Variants in P3H3 observed in about 807,000 individuals in gnomAD.
The protein encoded by P3H3 is gene rich cluster, B.
In P3H3, 64 loss-of-function variants were observed where a neutral mutation model predicts 78.1. That is an observed-to-expected ratio of 0.82 (90% CI 0.67 to 1.01). P3H3 has a LOEUF of 1.01. P3H3 is among the 50% of genes least tolerant of loss of function. The probability of loss-of-function intolerance (pLI) is 0.00; values close to 1 mark genes in which losing one functional copy is unlikely to be tolerated. For missense variants in P3H3, 975 were observed against 982.2 expected, an observed-to-expected ratio of 0.99 and a Z score of 0.10; for synonymous variants, 425 against 416.7, an observed-to-expected ratio of 1.02 and a Z score of -0.24.
chr12:6,837,434 TG>T lies in P3H3; in HGVS notation c.1575del (p.Thr526GlnfsTer13). On this transcript the variant is annotated frameshift_variant, in exon 11 of 15. Coordinates refer to ENST00000290510, the MANE Select transcript of P3H3 (RefSeq NM_014262.5). LOFTEE classifies it high-confidence loss of function. The stretch of plus-strand genomic sequence containing the variant: ...TTCACTGCCTGCAGCTGGCCCGGGC[TG>T]GGACAGTGGGCAGTCAGGGTGCTAA... ...VLKAAQLARAGTVGSQGAKLL... is the reference protein window; with the variant it reads ...VLKAAQLARAXTVGSQGAKLL... 3 of 1,610,994 alleles carry T rather than the reference TG, an allele frequency of 1.9e-6. No individual in the cohort carries two copies. Among genetic ancestry groups the T allele is most frequent in the Middle Eastern group, 3.3e-4 (2 of 6,052 alleles).
Position 6,839,140 on chromosome 12 carries a change from G to A in P3H3, c.2046G>A (p.Gln682=), listed in dbSNP as rs187884084. ...CGTGGGCACCTGAGCACAGGGAGCA[G>A]GTAAGGAGCGGGGTAGGAAGGGATG... The part of the protein sequence containing the change: ...WHTWAPEHRE[Q]EWIEAKELLQ... The change falls in exon 14 of 15, where the codon CAG becomes CAA. Residue 682 remains glutamine (Q), a splice_region_variant and synonymous_variant. Coordinates refer to ENST00000290510, the MANE Select transcript of P3H3 (RefSeq NM_014262.5). 161 of 1,598,154 alleles carry A rather than the reference G, an allele frequency of 1.0e-4. No individual in the cohort carries two copies. Among genetic ancestry groups the A allele is most frequent in the Non-Finnish European group, 1.3e-4 (157 of 1,174,682 alleles).
At position 6,830,830 on chromosome 12, in the gene P3H3, T is replaced by C. The variant is rs1555121297; in HGVS notation, c.985+60T>C. The C allele has an allele frequency of 8.7e-6, 14 of 1,600,714 alleles. No individual in the cohort carries two copies. In the East Asian group the frequency reaches 3.1e-4, roughly 36 times the overall value. On this transcript the variant is annotated intron_variant, in intron 4 of 14. Transcript: ENST00000290510. ...ATTTGCCTCTGCTGCTATCCTGAGC[T>C]CCATCTCTCTATCCCTCCCATCTGT...
intron 9 of P3H3, among the ~76,000 whole-genome samples, chr12:6,835,218 T>A (rs868923544): frequency 5.3e-5 from 8 of 152,284 alleles, no homozygotes; most frequent in Admixed American, 1.3e-4. Context: ...ATGAGGATAA[T>A]AATAGTGTTT....
rs913553625 is a variant in P3H3 at position 6,831,712 on chromosome 12, C to T, written c.1123-113C>T. The T allele has an allele frequency of 3.5e-5, 26 of 739,274 alleles. No individual in the cohort carries two copies. Among genetic ancestry groups the T allele is most frequent in the Middle Eastern group, 6.5e-4 (2 of 3,076 alleles). 45.8% of individuals were successfully genotyped at this position (739,274 alleles called of 1,614,324 possible). Reference sequence around the variant, plus strand: ...GAGGGGGAACGTTGAACAGAGGAACCGGGGGGCATGGTGCCAGGTTCAAGG... The same window carrying T: ...GAGGGGGAACGTTGAACAGAGGAACTGGGGGGCATGGTGCCAGGTTCAAGG... On this transcript the variant is annotated intron_variant, in intron 5 of 14. Transcript: ENST00000290510. This position sits in a 1 kb window ranked among gnomAD's most constrained non-coding sequence, Gnocchi z 4.6.
chr12:6,829,502 T>G lies in P3H3; in HGVS notation c.499-357T>G. ...TTGTACTCACCTCAGCTCAGGGTCCTAGAGACCTGCGGGTTTTGCTGGTCG... is the reference window on the plus strand; with the variant it reads ...TTGTACTCACCTCAGCTCAGGGTCCGAGAGACCTGCGGGTTTTGCTGGTCG... On this transcript the variant is annotated intron_variant, in intron 1 of 14. Coordinates refer to ENST00000290510, the MANE Select transcript of P3H3 (RefSeq NM_014262.5). The surrounding 1 kb of genome is among the most constrained non-coding windows in gnomAD (Gnocchi z 5.1). 1 of 331,364 alleles carries G rather than the reference T, an allele frequency of 3.0e-6. No homozygotes were observed. The highest frequency in any genetic ancestry group is 2.8e-5 in the South Asian group (1 of 35,604). 20.5% of individuals were successfully genotyped at this position (331,364 alleles called of 1,614,324 possible).
chr12:6,828,948 G>A lies in P3H3; in HGVS notation c.498+10G>A, dbSNP rs1555120910. 9.0e-6 allele frequency: 11 copies of A among 1,224,560 alleles called. No individual in the cohort carries two copies. The highest frequency in any genetic ancestry group is 1.0e-5 in the Non-Finnish European group (10 of 977,978). The allele number at this position is 1,224,560 out of a possible 1,614,324, so 75.9% of individuals were successfully genotyped here. A position where few individuals can be genotyped will look rare whatever the true frequency, so the allele number is the denominator to read the frequency against. On this transcript the variant is annotated intron_variant, in intron 1 of 14. Transcript: ENST00000290510. Reference sequence around the variant, plus strand: ...GAGGGCCTATTACCAGGTGGGGAGCGGGCCGGGCAGCTCCGAGGGTCCCAG... The same window carrying A: ...GAGGGCCTATTACCAGGTGGGGAGCAGGCCGGGCAGCTCCGAGGGTCCCAG...
At position 6,834,043 on chromosome 12, in the gene P3H3, G is replaced by A. The variant is rs782022212; in HGVS notation, c.1452G>A (p.Leu484=). 3 of 1,613,444 alleles carry A rather than the reference G, an allele frequency of 1.9e-6. No individual in the cohort carries two copies. The Admixed American group carries it at 5.0e-5, about 27-fold the overall frequency. ...TPAECGVLLQ[L]AKDAAGAGAR... ...CCGAGTGTGGGGTGCTGCTGCAGCTGGCTAAGGTAGGAAGACCTGCAAGCT... is the reference window on the plus strand; with the variant it reads ...CCGAGTGTGGGGTGCTGCTGCAGCTAGCTAAGGTAGGAAGACCTGCAAGCT... Residue 484 remains leucine, a synonymous_variant, in exon 9 of 15, where the codon CTG becomes CTA. Transcript: ENST00000290510.
chr12:6,831,388 C>A lies in P3H3; in HGVS notation c.1122+36C>A. 6.2e-7 allele frequency: 1 copy of A among 1,611,582 alleles called. No individual in the cohort carries two copies. Among genetic ancestry groups the A allele is most frequent in the Non-Finnish European group, 8.5e-7 (1 of 1,179,560 alleles). On this transcript the variant is annotated intron_variant, in intron 5 of 14. Transcript: ENST00000290510. This position sits in a 1 kb window ranked among gnomAD's most constrained non-coding sequence, Gnocchi z 4.6. ...CTCCACGCTCACCTGGGAGGTAGCC[C>A]CAAATCAAACAAATAGACCTGAGAA...
intron 9 of P3H3, among the ~76,000 whole-genome samples, chr12:6,836,328 T>C (rs782528460): frequency 1.4e-4 from 21 of 151,420 alleles, no homozygotes; most frequent in African/African-American, 5.1e-4. Flanking sequence ...ATAGTGGTGC[T>C]TAAACAAATT....
rs146446087 is a variant in P3H3, at chr12:6,833,049, C to T, written c.1213-543C>T. Reference sequence around the variant, plus strand: ...AATTAGCTGGGCGTGGTGGCGGGCGCCTATAATCCCAGCTACCTGGGATGC... The same window carrying T: ...AATTAGCTGGGCGTGGTGGCGGGCGTCTATAATCCCAGCTACCTGGGATGC... On this transcript the variant is annotated intron_variant, in intron 6 of 14. Coordinates refer to ENST00000290510, the MANE Select transcript of P3H3 (RefSeq NM_014262.5). 4.4e-3 allele frequency among the ~76,000 whole-genome samples: 670 copies of T among 152,146 alleles called. 24 individuals are homozygous for T. The East Asian group carries it at 0.096, about 22-fold the overall frequency.
chr12:6,833,560 G>A (rs1277419037), intron 6 of P3H3, 32 bp from the exon 7 acceptor site: 1 of 1,608,690 alleles, frequency 6.2e-7, no homozygotes. Context: ...GCTGACCTTG[G>A]TGGGTGATGA....
Position 6,829,034 on chromosome 12 carries a change from G to A in P3H3, c.498+96G>A. ...AGGAGTAGGCGGAATGCTGTTGCCC[G>A]GGCCCCGCACGGGGCTGGGGAGCGT... is the stretch of plus-strand genomic sequence containing the variant. On this transcript the variant is annotated intron_variant, in intron 1 of 14. Transcript: ENST00000290510. The surrounding 1 kb of genome is among the most constrained non-coding windows in gnomAD (Gnocchi z 5.1). 1.3e-6 allele frequency: 1 copy of A among 777,106 alleles called. No individual in the cohort carries two copies. The highest frequency in any genetic ancestry group is 1.7e-6 in the Non-Finnish European group (1 of 572,770). The allele number at this position is 777,106 out of a possible 1,614,324, so 48.1% of individuals were successfully genotyped here.
At chr12:6,830,072 C>T in intron 2 of P3H3, 61 bp downstream of exon 2, 1 of 1,592,042 alleles carries the variant, frequency 6.3e-7, no homozygotes, top group Non-Finnish European at 8.6e-7. Context: ...GATACACAGG[C>T]CTCACTAAAC....
intron 14 of P3H3, 70 bp from the exon 15 acceptor site, chr12:6,839,227 G>A (rs782308229): frequency 9.5e-6 from 15 of 1,570,852 alleles, no homozygotes; most frequent in African/African-American, 1.3e-5. Context: ...AGTCGGTGAG[G>A]GTCAGGGGCT....
chr12:6,828,624 G>C lies in P3H3; in HGVS notation c.184G>C (p.Glu62Gln). The change falls in exon 1 of 15, where the codon GAG (glutamate) becomes CAG (glutamine). Residue 62 changes from glutamate (E) to glutamine (Q), a missense_variant. Physicochemically the swap from Glu to Gln is conservative, Grantham distance 29 (BLOSUM62 2). Coordinates refer to ENST00000290510, the MANE Select transcript of P3H3 (RefSeq NM_014262.5). ...GGCGCCGGCCGTGGCGCTGCTGCGG[G>C]AGGCGCTGCGGAGCCAGGCGGCGCT... ...AWAPAVALLR[E>Q]ALRSQAALGR... The C allele has an allele frequency of 1.6e-6, 2 of 1,215,614 alleles. No homozygotes were observed. Among genetic ancestry groups the C allele is most frequent in the Non-Finnish European group, 2.0e-6 (2 of 978,104 alleles). 75.3% of individuals were successfully genotyped at this position (1,215,614 alleles called of 1,614,324 possible).
chr12:6,838,128 G>C (rs1555122518), intron 13 of P3H3, 95 bp downstream of exon 13: 1 of 1,503,972 alleles, frequency 6.6e-7, no homozygotes, highest in African/African-American at 1.4e-5. Context: ...GCAGGGAAAT[G>C]GCCAGGGCTT....
Position 6,835,604 on chromosome 12 carries a change from A to ATAAT in P3H3, c.1459-1357_1459-1354dup, listed in dbSNP as rs566922041. Among the ~76,000 whole-genome samples, 211 of 152,040 alleles carry ATAAT rather than the reference A, an allele frequency of 1.4e-3. 1 individual carries two copies. The highest frequency in any genetic ancestry group is 5.8e-3 in the South Asian group (28 of 4,810). ...CGCCTCGAAAAATAAATTTTTTTAA[A>ATAAT]TAATTAATTAATTAATTAATTAATT... On this transcript the variant is annotated intron_variant, in intron 9 of 14. Coordinates refer to ENST00000290510, the MANE Select transcript of P3H3 (RefSeq NM_014262.5).
At chr12:6,832,662 T>G (rs1555121618) in intron 6 of P3H3, among the ~76,000 whole-genome samples, 1 of 151,864 alleles carries the variant, frequency 6.6e-6, no homozygotes, top group Non-Finnish European at 1.5e-5. Context: ...AGGGCAATGG[T>G]GCGATCTTGG....
intron 9 of P3H3, 27 bp from the exon 10 acceptor site, chr12:6,836,958 C>A: frequency 6.4e-7 from 1 of 1,567,546 alleles, no homozygotes; most frequent in Non-Finnish European, 8.8e-7. Context: ...GGGGGAGTGA[C>A]TCCACGGTAA....
Sources: allele counts gnomAD v4.1 joint callset (sites outside exome capture counted in the v4.1 genomes callset), GRCh38; gene constraint gnomAD v4.1.1; non-coding constraint Gnocchi (gnomAD v3.1); transcripts MANE v1.5; gene names NCBI Gene and HGNC (gene_info 2026-07-23, HGNC 2026-07-21).